Variants in KIAA0825 observed in about 807,000 individuals in gnomAD.
KIAA0825 encodes KIAA0825.
In KIAA0825, 119 loss-of-function variants were observed where a neutral mutation model predicts 147.6. The ratio of observed to expected loss-of-function variants is 0.81; its 90% CI spans 0.69 to 0.94. The LOEUF (loss-of-function observed/expected upper bound fraction) is 0.94, where lower values mean the gene tolerates loss of function less well. Ranked by LOEUF, KIAA0825 falls within the 40% of genes least tolerant of loss-of-function variation. The pLI is 0.00. For synonymous variants in KIAA0825, 470 were observed against 518.1 expected (o/e 0.91, Z 1.26); for missense variants, 1,381 against 1,472.7 (o/e 0.94, Z 1.02).
At position 94,159,347 on chromosome 5, in the gene KIAA0825, G is replaced by A. The variant is rs192458981; in HGVS notation, c.3711-5223C>T. ...TCAGTTCTCTTATATGCAACATAGG[G>A]GGTGCTAGTGGTATACATCTCAATG... On this transcript the variant is annotated intron_variant, in intron 20 of 20. Transcript: ENST00000682413. Among the ~76,000 whole-genome samples, 59 of 152,222 alleles carry A rather than the reference G, an allele frequency of 3.9e-4. 1 individual carries two copies. In the East Asian group the frequency reaches 0.011, roughly 28 times the overall value.
rs183129786 is a variant in KIAA0825, at chr5:94,387,030, T to C, written c.3457-626A>G. On this transcript the variant is annotated intron_variant, in intron 18 of 20. Coordinates refer to ENST00000682413, the MANE Select transcript of KIAA0825 (RefSeq NM_001145678.3). The stretch of plus-strand genomic sequence containing the variant: ...GCCAATCTACAACATTATACCTCAT[T>C]TTCCACCCATAAATAAGGTGAACAA... Among the ~76,000 whole-genome samples the C allele has an allele frequency of 2.1e-3, 324 of 152,296 alleles. 1 individual carries two copies. The highest frequency in any genetic ancestry group is 7.7e-3 in the African/African-American group (321 of 41,566).
At chr5:94,231,578 C>A (rs964063811) in intron 20 of KIAA0825, among the ~76,000 whole-genome samples, 2 of 152,044 alleles carry the variant, frequency 1.3e-5, no homozygotes, top group Non-Finnish European at 1.5e-5. Context: ...TGGAAAATTT[C>A]TTTATCTAGC....
At chr5:94,211,854 T>G (rs145282572) in intron 20 of KIAA0825, among the ~76,000 whole-genome samples, 1 of 152,206 alleles carries the variant, frequency 6.6e-6, no homozygotes, top group African/African-American at 2.4e-5. Flanking sequence ...TCCCTAACTA[T>G]GTTCTCAGAT....
chr5:94,209,666 C>T (rs1044800655), intron 20 of KIAA0825, among the ~76,000 whole-genome samples: 14 of 152,088 alleles, frequency 9.2e-5, no homozygotes, highest in Non-Finnish European at 1.8e-4. Flanking sequence ...TATTTTTCTT[C>T]TAAGCTTTTT....
Position 94,408,380 on chromosome 5 carries a change from G to A in KIAA0825, c.2663-4587C>T, listed in dbSNP as rs751914600. 8.6e-5 allele frequency among the ~76,000 whole-genome samples: 13 copies of A among 151,776 alleles called. No homozygotes were observed. In the South Asian group the frequency reaches 1.7e-3, roughly 19 times the overall value. ...TTACTTATTTTTGAGACAGAGTCTC[G>A]CTCTTGTTGCCCAGGCTGGAATGCA... On this transcript the variant is annotated intron_variant, in intron 15 of 20. Transcript: ENST00000682413.
chr5:94,421,850 A>G (rs1381593725), intron 14 of KIAA0825, among the ~76,000 whole-genome samples: 3 of 152,178 alleles, frequency 2.0e-5, no homozygotes, highest in Middle Eastern at 3.2e-3. Context: ...TTGGCTGGAC[A>G]GTAATCCTCA....
At chr5:94,214,629 C>T (rs1256043266) in intron 20 of KIAA0825, among the ~76,000 whole-genome samples, 4 of 152,144 alleles carry the variant, frequency 2.6e-5, no homozygotes, top group Non-Finnish European at 4.4e-5. Flanking sequence ...TTCTTCCTAC[C>T]CTCCTTGTAA....
At chr5:94,387,474 A>T (rs1446970506) in intron 18 of KIAA0825, among the ~76,000 whole-genome samples, 2 of 152,100 alleles carry the variant, frequency 1.3e-5, no homozygotes. Flanking sequence ...TGGGCAGATC[A>T]CTTAAGGTTG....
intron 20 of KIAA0825, among the ~76,000 whole-genome samples, chr5:94,374,717 T>C (rs1747274714): frequency 6.6e-6 from 1 of 152,208 alleles, no homozygotes; most frequent in Non-Finnish European, 1.5e-5. Context: ...TGTCTGAGAC[T>C]CTTCCTCCCC....
At chr5:94,550,185 A>G (rs1465005441) in intron 2 of KIAA0825, among the ~76,000 whole-genome samples, 1 of 152,188 alleles carries the variant, frequency 6.6e-6, no homozygotes, top group Non-Finnish European at 1.5e-5. Flanking sequence ...TTACCTGTGG[A>G]AGCTAAAAAT....
intron 20 of KIAA0825, among the ~76,000 whole-genome samples, chr5:94,280,190 G>GATTA (rs1777396881): frequency 1.3e-5 from 2 of 152,088 alleles, no homozygotes; most frequent in Admixed American, 1.3e-4. Context: ...GGTGAGGGAT[G>GATTA]ATTAGTGCCT....
chr5:94,607,793 TC>T (rs1367742901), intron 1 of KIAA0825, among the ~76,000 whole-genome samples: 1 of 152,166 alleles, frequency 6.6e-6, no homozygotes, highest in Non-Finnish European at 1.5e-5. Context: ...GGAGCTTCAT[TC>T]CTTTTTGGAG....
intron 20 of KIAA0825, among the ~76,000 whole-genome samples, chr5:94,328,082 CAA>C (rs1780887666): frequency 6.6e-6 from 1 of 151,860 alleles, no homozygotes; most frequent in Non-Finnish European, 1.5e-5. Context: ...TGATTTTTTT[CAA>C]GTCATCAATA....
At chr5:94,328,839 G>T (rs752801126) in intron 20 of KIAA0825, among the ~76,000 whole-genome samples, 6 of 151,382 alleles carry the variant, frequency 4.0e-5, no homozygotes, top group Admixed American at 2.0e-4. Context: ...TTTTGATGAA[G>T]AATAATAACA....
intron 1 of KIAA0825, among the ~76,000 whole-genome samples, chr5:94,613,442 G>A (rs543642863): frequency 3.5e-4 from 53 of 152,198 alleles, no homozygotes; most frequent in Non-Finnish European, 5.7e-4. Flanking sequence ...CAAGAGATCC[G>A]CCCGCATTGG....
At chr5:94,276,523 C>T (rs766496667) in intron 20 of KIAA0825, among the ~76,000 whole-genome samples, 13 of 151,972 alleles carry the variant, frequency 8.6e-5, no homozygotes, top group Non-Finnish European at 1.6e-4. Flanking sequence ...ATTAAAATCG[C>T]TATGCCGCTT....
chr5:94,420,635 G>A (rs1754062535), intron 14 of KIAA0825, among the ~76,000 whole-genome samples: 2 of 151,958 alleles, frequency 1.3e-5, no homozygotes, highest in East Asian at 1.9e-4. Flanking sequence ...ATCTTCCAAC[G>A]GCACCTGGAT....
chr5:94,411,217 C>T (rs1007309396), intron 15 of KIAA0825, among the ~76,000 whole-genome samples: 1 of 151,644 alleles, frequency 6.6e-6, no homozygotes, highest in Non-Finnish European at 1.5e-5. Context: ...AATAAAGAAG[C>T]CATTAGAAAA....
chr5:94,265,644 C>CA (rs1303439152), intron 20 of KIAA0825, among the ~76,000 whole-genome samples: 2 of 151,894 alleles, frequency 1.3e-5, no homozygotes, highest in East Asian at 1.9e-4. Flanking sequence ...AGTAAAAATA[C>CA]AAAAAAATTA....
Sources: gnomAD v4.1 joint callset for allele counts (sites outside exome capture counted in the v4.1 genomes callset) on GRCh38, gnomAD v4.1.1 for gene constraint, MANE v1.5 for transcripts, NCBI Gene and HGNC (gene_info 2026-07-23, HGNC 2026-07-21) for gene names.